Variants in COPS7B observed in about 807,000 individuals in gnomAD.
The protein encoded by COPS7B is COP9 signalosome complex subunit 7b.
Under a neutral mutation model 33.4 loss-of-function variants are expected in COPS7B, and 9 were observed. That is an observed-to-expected ratio of 0.27 (90% CI 0.16 to 0.47). The LOEUF (loss-of-function observed/expected upper bound fraction) is 0.47. Among genes scored for constraint, COPS7B ranks in the 20% least tolerant of loss-of-function variants. The pLI is 0.99. For missense variants in COPS7B, 242 were observed against 318.2 expected, an observed-to-expected ratio of 0.76 and a Z score of 1.82; for synonymous variants, 119 against 126.3, an observed-to-expected ratio of 0.94 and a Z score of 0.39.
At chr2:231,781,836 A>G, upstream of COPS7B, 1 of 1,550,744 alleles carries the variant, frequency 6.4e-7, no homozygotes. Flanking sequence ...GACAGCCCGC[A>G]GAGAGTTAAC....
intron 5 of COPS7B, 133 bp downstream of exon 5, chr2:231,796,441 G>A (rs960405429): frequency 2.0e-5 from 14 of 694,222 alleles, no homozygotes; most frequent in African/African-American, 2.0e-4. Context: ...TTAGTGAGCC[G>A]GAGAGTGGAG....
upstream of COPS7B, among the ~76,000 whole-genome samples, chr2:231,785,837 T>C (rs915010432): frequency 6.6e-6 from 1 of 152,234 alleles, no homozygotes; most frequent in African/African-American, 2.4e-5. Context: ...GACATTTTGG[T>C]CATAGAACCA....
At chr2:231,793,366 A>G (rs1312171482) in intron 3 of COPS7B, 2 of 152,204 alleles carry the variant, frequency 1.3e-5, no homozygotes, top group South Asian at 2.1e-4. Flanking sequence ...TTAAGAAAAA[A>G]TCAGTTTGGA....
At chr2:231,801,292 T>C in intron 6 of COPS7B, 1 of 1,533,320 alleles carries the variant, frequency 6.5e-7, no homozygotes, top group East Asian at 2.5e-5. Flanking sequence ...CATTTAGGCT[T>C]TTGTGGAAAT....
intron 6 of COPS7B, chr2:231,801,166 T>C: frequency 6.4e-7 from 1 of 1,550,576 alleles, no homozygotes; most frequent in South Asian, 1.2e-5. Flanking sequence ...GGGAAAAACG[T>C]GATGTCCCCC....
At chr2:231,798,353 T>G (rs1243916888) in intron 5 of COPS7B, among the ~76,000 whole-genome samples, 3 of 145,778 alleles carry the variant, frequency 2.1e-5, no homozygotes, top group Non-Finnish European at 4.5e-5. Flanking sequence ...GCCTCCCGGG[T>G]TCAAGTGATT....
rs563661266 is a variant in COPS7B at position 231,800,195 on chromosome 2, C to T, written c.636+1231C>T. ...CTGTAATCCCAACACTTTGAGAGAC[C>T]GAGGAGGAAGTATTGCGTGAGTCCA... On this transcript the variant is annotated intron_variant, in intron 6 of 6. Coordinates refer to ENST00000350033, the MANE Select transcript of COPS7B (RefSeq NM_022730.4). Among the ~76,000 whole-genome samples the T allele has an allele frequency of 6.6e-5, 10 of 152,250 alleles. No homozygotes were observed. The South Asian group carries it at 8.3e-4, about 13-fold the overall frequency.
At chr2:231,793,599 C>G (rs1181109336) in intron 3 of COPS7B, 3 of 152,192 alleles carry the variant, frequency 2.0e-5, no homozygotes, top group Non-Finnish European at 4.4e-5. Flanking sequence ...AGGCTCAACT[C>G]AAACTCCATC....
At position 231,807,675 on chromosome 2, in the gene COPS7B, G is replaced by T. The variant is rs2049936666; in HGVS notation, c.*30G>T. On this transcript the variant is annotated 3_prime_UTR_variant, in exon 7 of 7. Transcript: ENST00000350033. ...GGCTGGGGCAGCTGGCACTCACCAG[G>T]CCTGGGTCAGGTGGGGAGGGGACAC... The T allele has an allele frequency of 1.3e-6, 2 of 1,534,020 alleles. No individual in the cohort carries two copies. The highest frequency in any genetic ancestry group is 1.8e-6 in the Non-Finnish European group (2 of 1,139,348).
chr2:231,801,084 A>G, intron 6 of COPS7B: 2 of 1,516,494 alleles, frequency 1.3e-6, no homozygotes, highest in Non-Finnish European at 1.8e-6. Context: ...CCTAACTTTT[A>G]AAAGCCAATT....
chr2:231,805,570 C>A (rs1409255915), intron 6 of COPS7B, among the ~76,000 whole-genome samples: 1 of 151,250 alleles, frequency 6.6e-6, no homozygotes, highest in Non-Finnish European at 1.5e-5. Context: ...CTTAAGTGAT[C>A]CTCCTGCCTC....
At chr2:231,798,236 T>TA (rs2049632072) in intron 5 of COPS7B, among the ~76,000 whole-genome samples, 1 of 148,146 alleles carries the variant, frequency 6.8e-6, no homozygotes, top group South Asian at 2.1e-4. Context: ...GTGCCATCTA[T>TA]AAAATCTATT....
At chr2:231,793,942 C>T in intron 3 of COPS7B, 1 of 302,512 alleles carries the variant, frequency 3.3e-6, no homozygotes, top group Non-Finnish European at 6.4e-6. Context: ...TTGCACACAA[C>T]AGATGCTCGA....
chr2:231,791,737 C>T lies in COPS7B; in HGVS notation c.167C>T (p.Ala56Val), dbSNP rs377671295. 27 of 1,613,782 alleles carry T rather than the reference C, an allele frequency of 1.7e-5. No individual in the cohort carries two copies. Among genetic ancestry groups the T allele is most frequent in the Admixed American group, 5.0e-5 (3 of 59,984 alleles). The change falls in exon 3 of 7, where the codon GCG (alanine) becomes GTG (valine). Residue 56 changes from alanine to valine, a missense_variant. Ala to Val is a moderately conservative substitution (Grantham distance 64). Coordinates refer to ENST00000350033, the MANE Select transcript of COPS7B (RefSeq NM_022730.4). Reference sequence around the variant, plus strand: ...AACTTTTTTTTTCCTCTTCAGCTTGCGGAAGGAGCTAATGCTGCTTATTTG... The same window carrying T: ...AACTTTTTTTTTCCTCTTCAGCTTGTGGAAGGAGCTAATGCTGCTTATTTG... Reference protein sequence around the residue: ...LLELANVQELAEGANAAYLQL... With the variant: ...LLELANVQELVEGANAAYLQL...
intron 3 of COPS7B, 83 bp downstream of exon 3, chr2:231,791,891 C>T: frequency 7.8e-7 from 1 of 1,274,710 alleles, no homozygotes; most frequent in Non-Finnish European, 1.1e-6. Flanking sequence ...AGATATAAAG[C>T]ATGGGGTAGT....
At position 231,788,181 on chromosome 2, in the gene COPS7B, G is replaced by T. The variant is rs763296697; in HGVS notation, c.-16-374G>T. ...TGAGACAGTCTCGCTCTGTTGCCCAGGCTGGAGTGCAGTGGCACAATCTTG... is the reference window on the plus strand; with the variant it reads ...TGAGACAGTCTCGCTCTGTTGCCCATGCTGGAGTGCAGTGGCACAATCTTG... On this transcript the variant is annotated intron_variant, in intron 1 of 6. Transcript: ENST00000350033. Among the ~76,000 whole-genome samples the T allele has an allele frequency of 4.3e-4, 62 of 142,848 alleles. 1 individual carries two copies. The highest frequency in any genetic ancestry group is 7.1e-4 in the Non-Finnish European group (47 of 66,542). 93.7% of individuals were successfully genotyped at this position (142,848 alleles called of 152,430 possible).
At position 231,786,451 on chromosome 2, in the gene COPS7B, C is replaced by A. The variant is rs769744226; in HGVS notation, c.-104C>A. 5.1e-6 allele frequency: 5 copies of A among 985,888 alleles called. No individual in the cohort carries two copies. The highest frequency in any genetic ancestry group is 6.0e-6 in the Non-Finnish European group (5 of 830,082). 61.1% of individuals were successfully genotyped at this position (985,888 alleles called of 1,614,324 possible). On this transcript the variant is annotated 5_prime_UTR_variant, in exon 1 of 7. Coordinates refer to ENST00000350033, the MANE Select transcript of COPS7B (RefSeq NM_022730.4). ...GCGGAGACAGAAAAGCGCCGGACGC[C>A]GGGGTGATCATGGACGCTTGACAAC...
intron 5 of COPS7B, among the ~76,000 whole-genome samples, chr2:231,796,674 G>A (rs2049580957): frequency 6.6e-6 from 1 of 152,208 alleles, no homozygotes; most frequent in Admixed American, 6.5e-5. Flanking sequence ...AGGAAGGCTA[G>A]TGTTTGTAAG....
chr2:231,801,936 A>C (rs964749138), intron 6 of COPS7B, among the ~76,000 whole-genome samples: 1 of 151,844 alleles, frequency 6.6e-6, no homozygotes, highest in Non-Finnish European at 1.5e-5. Flanking sequence ...CACCACGCCC[A>C]GCTAATTTTT....
Sources: gnomAD v4.1 joint callset for allele counts (sites outside exome capture counted in the v4.1 genomes callset) on GRCh38, gnomAD v4.1.1 for gene constraint, MANE v1.5 for transcripts, NCBI Gene and HGNC (gene_info 2026-07-23, HGNC 2026-07-21) for gene names.